EGFLAM: variants seen among roughly 807,000 people sequenced by gnomAD.
The protein encoded by EGFLAM is pikachurin.
In EGFLAM, 79 loss-of-function variants were observed where a neutral mutation model predicts 113.1. The ratio of observed to expected loss-of-function variants is 0.70; its 90% CI spans 0.58 to 0.84. The LOEUF (loss-of-function observed/expected upper bound fraction) is 0.84, where lower values mean the gene tolerates loss of function less well. Among genes scored for constraint, EGFLAM ranks in the 40% least tolerant of loss-of-function variants. The probability of loss-of-function intolerance (pLI) is 0.00; values close to 1 mark genes in which losing one functional copy is unlikely to be tolerated. For synonymous variants in EGFLAM, 504 were observed against 487.6 expected, an observed-to-expected ratio of 1.03 and a Z score of -0.44; for missense variants, 1,265 against 1,291.6, an observed-to-expected ratio of 0.98 and a Z score of 0.32.
At chr5:38,283,442 C>A (rs970031191) in intron 1 of EGFLAM, among the ~76,000 whole-genome samples, 1 of 152,104 alleles carries the variant, frequency 6.6e-6, no homozygotes, top group African/African-American at 2.4e-5. Flanking sequence ...ATGCATTGTG[C>A]CTTTACATAA....
chr5:38,398,369 T>C (rs1741016518), intron 6 of EGFLAM, among the ~76,000 whole-genome samples: 1 of 152,166 alleles, frequency 6.6e-6, no homozygotes, highest in South Asian at 2.1e-4. Flanking sequence ...TCCTCAAGGA[T>C]TTTACAGTCT....
chr5:38,408,161 A>G (rs1561074140), intron 9 of EGFLAM, among the ~76,000 whole-genome samples: 1 of 152,224 alleles, frequency 6.6e-6, no homozygotes, highest in Non-Finnish European at 1.5e-5. Context: ...GAAGATTGCA[A>G]GTGAGAATGT....
chr5:38,344,355 G>A (rs1185057606), intron 3 of EGFLAM, among the ~76,000 whole-genome samples: 1 of 152,060 alleles, frequency 6.6e-6, no homozygotes, highest in Non-Finnish European at 1.5e-5. Flanking sequence ...GCATGGTGGT[G>A]CACGCTTGTA....
chr5:38,416,292 G>A (rs569571066), intron 11 of EGFLAM, among the ~76,000 whole-genome samples: 34 of 152,162 alleles, frequency 2.2e-4, no homozygotes, highest in Non-Finnish European at 4.6e-4. Context: ...GTGCTCCCAG[G>A]AGAAACTGCT....
chr5:38,282,503 A>G (rs1208195633), intron 1 of EGFLAM: 1 of 152,166 alleles, frequency 6.6e-6, no homozygotes, highest in East Asian at 1.9e-4. Context: ...GGCTGTGGGA[A>G]GGTAGGTGTT....
intron 6 of EGFLAM, among the ~76,000 whole-genome samples, chr5:38,383,113 C>T (rs935590190): frequency 4.7e-4 from 72 of 152,156 alleles, no homozygotes; most frequent in African/African-American, 1.6e-3. Context: ...CATTAGATTG[C>T]GTCAGATAGA....
chr5:38,333,529 G>A (rs1052435214), intron 1 of EGFLAM, among the ~76,000 whole-genome samples: 1 of 152,076 alleles, frequency 6.6e-6, no homozygotes, highest in Non-Finnish European at 1.5e-5. Flanking sequence ...TTATGGTTTT[G>A]ATTTGCATTT....
At chr5:38,387,992 C>T (rs528836023) in intron 6 of EGFLAM, among the ~76,000 whole-genome samples, 47 of 152,276 alleles carry the variant, frequency 3.1e-4, no homozygotes, top group Admixed American at 1.1e-3. Flanking sequence ...ATGGGACCCT[C>T]CCCAGCTTAG....
chr5:38,273,421 C>T (rs1757814032), intron 1 of EGFLAM, among the ~76,000 whole-genome samples: 1 of 152,238 alleles, frequency 6.6e-6, no homozygotes. Flanking sequence ...TTGGACTCCA[C>T]ATAATCCCTA....
chr5:38,420,726 TG>T (rs1202867768), intron 12 of EGFLAM, among the ~76,000 whole-genome samples: 3 of 152,188 alleles, frequency 2.0e-5, no homozygotes, highest in Non-Finnish European at 1.5e-5. Context: ...AGTCCTGAAA[TG>T]GCATGGCAAC....
At chr5:38,395,421 A>T (rs549327069) in intron 6 of EGFLAM, among the ~76,000 whole-genome samples, 123 of 150,716 alleles carry the variant, frequency 8.2e-4, no homozygotes, top group South Asian at 5.3e-3. Context: ...CTAATTAAAA[A>T]TTTTTTTTTC....
intron 20 of EGFLAM, among the ~76,000 whole-genome samples, chr5:38,459,037 T>G (rs1743185893): frequency 6.6e-6 from 1 of 152,024 alleles, no homozygotes; most frequent in Non-Finnish European, 1.5e-5. Flanking sequence ...TCTGGCTTTT[T>G]TTTGTTTGTT....
At chr5:38,410,090 A>G (rs1365857075) in intron 10 of EGFLAM, among the ~76,000 whole-genome samples, 1 of 152,188 alleles carries the variant, frequency 6.6e-6, no homozygotes, top group African/African-American at 2.4e-5. Flanking sequence ...AAATGAGTTA[A>G]TTCATAAAAG....
At chr5:38,451,624 C>T in intron 19 of EGFLAM, 166 bp downstream of exon 19, 2 of 1,021,306 alleles carry the variant, frequency 2.0e-6, no homozygotes, top group Non-Finnish European at 2.8e-6. Flanking sequence ...TTCCAACATT[C>T]ATCTTATAGA....
chr5:38,316,733 C>T (rs115525257), intron 1 of EGFLAM, among the ~76,000 whole-genome samples: 2,106 of 152,280 alleles, frequency 0.014, 47 homozygotes, highest in African/African-American at 0.045. Flanking sequence ...CTGAACACCC[C>T]TGGGACACGA....
chr5:38,443,714 CT>C (rs1742619955), intron 17 of EGFLAM, among the ~76,000 whole-genome samples: 1 of 151,424 alleles, frequency 6.6e-6, no homozygotes, highest in African/African-American at 2.4e-5. Context: ...CCACAGGGCC[CT>C]TTGCTTTGCT....
chr5:38,286,999 G>A (rs947702193), intron 1 of EGFLAM, among the ~76,000 whole-genome samples: 13 of 152,230 alleles, frequency 8.5e-5, no homozygotes, highest in African/African-American at 3.1e-4. Context: ...AGACAAGAGG[G>A]CCTATGAGGG....
intron 1 of EGFLAM, among the ~76,000 whole-genome samples, chr5:38,327,098 A>G (rs981109555): frequency 6.6e-6 from 1 of 152,092 alleles, no homozygotes; most frequent in Non-Finnish European, 1.5e-5. Flanking sequence ...GCACCTGGCC[A>G]ATAAGGGTAT....
intron 1 of EGFLAM, among the ~76,000 whole-genome samples, chr5:38,334,928 T>C (rs1313241388): frequency 6.6e-6 from 1 of 152,204 alleles, no homozygotes; most frequent in Non-Finnish European, 1.5e-5. Context: ...CATTTGGTAA[T>C]GTGTGGACAT....
Sources: allele counts gnomAD v4.1 joint callset (sites outside exome capture counted in the v4.1 genomes callset), GRCh38; gene constraint gnomAD v4.1.1; transcripts MANE v1.5; gene names NCBI Gene and HGNC (gene_info 2026-07-23, HGNC 2026-07-21).